FRMD4A: variants seen among roughly 807,000 people sequenced by gnomAD.
The protein encoded by FRMD4A is FERM domain-containing protein 4A.
Under a neutral mutation model 129.1 loss-of-function variants are expected in FRMD4A, and 29 were observed. That is an observed-to-expected ratio of 0.22 (90% CI 0.17 to 0.31). The LOEUF is 0.31. Ranked by LOEUF, FRMD4A falls within the 10% of genes least tolerant of loss-of-function variation. The pLI is 1.00. For missense variants in FRMD4A, 1,272 were observed against 1,375.8 expected (o/e 0.92, Z 1.19); for synonymous variants, 634 against 571.6 (o/e 1.11, Z -1.56).
intron 2 of FRMD4A, among the ~76,000 whole-genome samples, chr10:14,199,442 C>A (rs189234791): frequency 8.0e-4 from 122 of 151,808 alleles, no homozygotes; most frequent in African/African-American, 2.9e-3. Context: ...CAATCTCCAC[C>A]TCCCGGGCTC....
At chr10:13,905,706 A>G (rs2094874854) in intron 2 of FRMD4A, among the ~76,000 whole-genome samples, 1 of 152,216 alleles carries the variant, frequency 6.6e-6, no homozygotes, top group African/African-American at 2.4e-5. Flanking sequence ...TCGGAAATGG[A>G]GGCTCAGAAA....
rs541281037 is a variant in FRMD4A at position 13,680,465 on chromosome 10, T to C, written c.1118-5421A>G. ...AAAAAGGGCTGGGTGTCGTGGCTCA[T>C]GCCTATAATCCCAGCACTTTGGGAG... On this transcript the variant is annotated intron_variant, in intron 15 of 24. Coordinates refer to ENST00000357447, the MANE Select transcript of FRMD4A (RefSeq NM_018027.5). Among the ~76,000 whole-genome samples, 313 of 150,858 alleles carry C rather than the reference T, an allele frequency of 2.1e-3. 10 individuals are homozygous for C. In the South Asian group the frequency reaches 0.056, roughly 27 times the overall value.
chr10:14,197,234 G>T (rs1564380114), intron 2 of FRMD4A, among the ~76,000 whole-genome samples: 1 of 152,032 alleles, frequency 6.6e-6, no homozygotes, highest in South Asian at 2.1e-4. Context: ...CAGGCAAATC[G>T]GGACCCCATT....
intron 12 of FRMD4A, among the ~76,000 whole-genome samples, chr10:13,712,765 G>A (rs59742807): frequency 0.066 from 9,994 of 152,242 alleles, 1,109 homozygotes; most frequent in African/African-American, 0.23. Context: ...CAGGAGGTGG[G>A]AAACACTTAT....
chr10:14,231,569 A>G (rs1362815330), intron 2 of FRMD4A, among the ~76,000 whole-genome samples: 9 of 152,168 alleles, frequency 5.9e-5, no homozygotes, highest in Non-Finnish European at 1.3e-4. Context: ...GATGGTCTCG[A>G]TCTCCTGACC....
At chr10:14,185,855 C>T (rs1315911694) in intron 2 of FRMD4A, among the ~76,000 whole-genome samples, 19 of 152,022 alleles carry the variant, frequency 1.2e-4, no homozygotes, top group Admixed American at 1.2e-3. Context: ...GGCCAGGTTT[C>T]CCATAGAGTT....
intron 15 of FRMD4A, among the ~76,000 whole-genome samples, chr10:13,676,338 T>C (rs890676470): frequency 2.6e-5 from 4 of 151,856 alleles, no homozygotes; most frequent in South Asian, 2.1e-4. Flanking sequence ...CTCGGCTCAC[T>C]GCAACCTCCG....
At chr10:14,136,401 T>C (rs929231105) in intron 2 of FRMD4A, among the ~76,000 whole-genome samples, 2 of 152,192 alleles carry the variant, frequency 1.3e-5, no homozygotes, top group Non-Finnish European at 2.9e-5. Context: ...GAAATGTAAA[T>C]GGTAGCTTAT....
chr10:13,818,863 C>A (rs1010395968), intron 3 of FRMD4A, among the ~76,000 whole-genome samples: 1 of 152,158 alleles, frequency 6.6e-6, no homozygotes, highest in Non-Finnish European at 1.5e-5. Flanking sequence ...CGGTGGCTCA[C>A]GCCTATAATC....
chr10:14,327,150 TTGGCTTTTGTCCAATGGAC>T (rs1447506727), intron 2 of FRMD4A, among the ~76,000 whole-genome samples: 1 of 152,246 alleles, frequency 6.6e-6, no homozygotes, highest in African/African-American at 2.4e-5. Flanking sequence ...TCAAAAGTCA[TTGGCTTTTGTCCAATGGAC>T]CAACTTAGGT....
chr10:13,933,481 TC>T (rs1266569529), intron 2 of FRMD4A, among the ~76,000 whole-genome samples: 1 of 152,148 alleles, frequency 6.6e-6, no homozygotes, highest in African/African-American at 2.4e-5. Flanking sequence ...ATGCGTTTTG[TC>T]CCATTGTTTG....
At position 13,950,808 on chromosome 10, in the gene FRMD4A, C is replaced by A. The variant is rs1011591849; in HGVS notation, c.46-91896G>T. ...ATTTGGGTTTCAGCTCAGATGTCATCATGTCAGGAAGTCCTCCCCGATGAC... is the reference window on the plus strand; with the variant it reads ...ATTTGGGTTTCAGCTCAGATGTCATAATGTCAGGAAGTCCTCCCCGATGAC... On this transcript the variant is annotated intron_variant, in intron 2 of 24. Coordinates refer to ENST00000357447, the MANE Select transcript of FRMD4A (RefSeq NM_018027.5). Among the ~76,000 whole-genome samples, 4 of 152,332 alleles carry A rather than the reference C, an allele frequency of 2.6e-5. No individual in the cohort carries two copies. The East Asian group carries it at 7.7e-4, about 29-fold the overall frequency.
At chr10:14,215,870 T>C (rs1272982368) in intron 2 of FRMD4A, among the ~76,000 whole-genome samples, 1 of 152,212 alleles carries the variant, frequency 6.6e-6, no homozygotes, top group African/African-American at 2.4e-5. Context: ...CAGTTGCTAC[T>C]GTCCTTACTT....
At chr10:13,681,160 T>C (rs1454455928) in intron 15 of FRMD4A, among the ~76,000 whole-genome samples, 1 of 152,214 alleles carries the variant, frequency 6.6e-6, no homozygotes, top group African/African-American at 2.4e-5. Context: ...CACAGCACAA[T>C]CTTCCCTCCC....
rs10674411 is a variant in FRMD4A, at chr10:14,227,243, C to CTTTTTTTT, written c.45+102807_45+102814dup. Reference sequence around the variant, plus strand: ...TCCTCCTCCTCCTTCTCTTCTTCTTCTTTTTTTTTTTTTTTTTTTTTTTTT... The same window carrying CTTTTTTTT: ...TCCTCCTCCTCCTTCTCTTCTTCTTCTTTTTTTTTTTTTTTTTTTTTTTTTTTTTTTTT... On this transcript the variant is annotated intron_variant, in intron 2 of 24. Coordinates refer to ENST00000357447, the MANE Select transcript of FRMD4A (RefSeq NM_018027.5). 2.3e-3 allele frequency among the ~76,000 whole-genome samples: 147 copies of CTTTTTTTT among 64,130 alleles called. 33 individuals carry two copies. The highest frequency in any genetic ancestry group is 3.0e-3 in the Non-Finnish European group (110 of 36,890). 42.1% of individuals were successfully genotyped at this position (64,130 alleles called of 152,430 possible). A position where few individuals can be genotyped will look rare whatever the true frequency, so the allele number is the denominator to read the frequency against.
chr10:13,833,397 A>C (rs1252176138), intron 3 of FRMD4A, among the ~76,000 whole-genome samples: 2 of 152,188 alleles, frequency 1.3e-5, no homozygotes, highest in East Asian at 3.9e-4. Flanking sequence ...CCCAGGATGC[A>C]ATTATCTCCA....
intron 4 of FRMD4A, among the ~76,000 whole-genome samples, chr10:13,799,131 C>T (rs1347738692): frequency 6.6e-6 from 1 of 152,178 alleles, no homozygotes; most frequent in Non-Finnish European, 1.5e-5. Context: ...GCTCTCTATG[C>T]ATTCATTTTC....
intron 2 of FRMD4A, among the ~76,000 whole-genome samples, chr10:14,249,543 G>A (rs11258977): frequency 0.37 from 55,979 of 151,960 alleles, 11,864 homozygotes; most frequent in Non-Finnish European, 0.46. Context: ...TTCTGCAGCC[G>A]CTTCCCTTTC....
intron 2 of FRMD4A, among the ~76,000 whole-genome samples, chr10:14,024,319 C>G (rs1832892832): frequency 6.6e-6 from 1 of 152,194 alleles, no homozygotes; most frequent in Admixed American, 6.5e-5. Context: ...AGGGGAGACT[C>G]TCTTGCGCCT....
Sources: allele counts gnomAD v4.1 joint callset (sites outside exome capture counted in the v4.1 genomes callset), GRCh38; gene constraint gnomAD v4.1.1; transcripts MANE v1.5; gene names NCBI Gene and HGNC (gene_info 2026-07-23, HGNC 2026-07-21).